DIP2C: variants seen among roughly 807,000 people sequenced by gnomAD.
The protein encoded by DIP2C is disco-interacting protein 2 homolog C.
DIP2C carries 33 observed loss-of-function variants against 192.4 expected under a neutral mutation model. That is an observed-to-expected ratio of 0.17 (90% confidence interval 0.13 to 0.23). The LOEUF (loss-of-function observed/expected upper bound fraction) is 0.23. DIP2C is among the 10% of genes least tolerant of loss of function. DIP2C has a pLI of 1.00. For missense variants in DIP2C, 1,537 were observed against 2,110.1 expected (o/e 0.73, Z 5.32); for synonymous variants, 979 against 864.1 (o/e 1.13, Z -2.33).
At chr10:559,510 T>A (rs982657482) in intron 1 of DIP2C, among the ~76,000 whole-genome samples, 4 of 152,098 alleles carry the variant, frequency 2.6e-5, no homozygotes, top group Non-Finnish European at 5.9e-5. Flanking sequence ...TTCCCTCATG[T>A]TAAAATCAAC....
rs750534312 is a variant in DIP2C at position 413,977 on chromosome 10, C to T, written c.993G>A (p.Ser331=). The T allele has an allele frequency of 4.1e-5, 66 of 1,614,084 alleles. No individual in the cohort carries two copies. The highest frequency in any genetic ancestry group is 6.7e-5 in the East Asian group (3 of 44,880). ...EAALQRWGTI[S]PKAPCLTTMD... ...TGGTGGTCAGGCAGGGCGCCTTGGG[C>T]GAGATGGTGCCCCACCTCTGCAGTG... The change falls in exon 8 of 37, where the codon TCG becomes TCA. Residue 331 remains serine (S), a synonymous_variant. Coordinates refer to ENST00000280886, the MANE Select transcript of DIP2C (RefSeq NM_014974.3).
chr10:310,794 A>G (rs138615381), intron 31 of DIP2C, among the ~76,000 whole-genome samples: 2 of 152,326 alleles, frequency 1.3e-5, no homozygotes, highest in East Asian at 1.9e-4. Context: ...TGACCTCTGT[A>G]CACAGAAGAG....
At chr10:549,659 G>T (rs1221663890) in intron 1 of DIP2C, among the ~76,000 whole-genome samples, 2 of 152,014 alleles carry the variant, frequency 1.3e-5, no homozygotes, top group Non-Finnish European at 2.9e-5. Flanking sequence ...CAGAGCGGAG[G>T]GCCCCCCCCG....
At chr10:418,003 TGTCAGG>T (rs1489889099) in intron 6 of DIP2C, among the ~76,000 whole-genome samples, 1 of 97,164 alleles carries the variant, frequency 1.0e-5, no homozygotes, top group Non-Finnish European at 2.1e-5. Context: ...CACCTGCACC[TGTCAGG>T]GCGCGGACAG....
chr10:527,944 A>G (rs1847154363), intron 1 of DIP2C, among the ~76,000 whole-genome samples: 1 of 152,098 alleles, frequency 6.6e-6, no homozygotes, highest in Admixed American at 6.5e-5. Flanking sequence ...GCTCCACGTA[A>G]TTATGTAGAT....
chr10:418,780 A>G (rs1251743280), intron 6 of DIP2C, among the ~76,000 whole-genome samples: 1 of 152,276 alleles, frequency 6.6e-6, no homozygotes, highest in Non-Finnish European at 1.5e-5. Context: ...ACCGTTATTC[A>G]GCAGCAAAAA....
intron 3 of DIP2C, among the ~76,000 whole-genome samples, chr10:470,733 G>T (rs1017930239): frequency 6.6e-6 from 1 of 151,946 alleles, no homozygotes; most frequent in Non-Finnish European, 1.5e-5. Context: ...CTCCTGTGTG[G>T]TAAGATGGCC....
At chr10:580,048 A>G (rs1264871998) in intron 1 of DIP2C, among the ~76,000 whole-genome samples, 2 of 152,136 alleles carry the variant, frequency 1.3e-5, no homozygotes, top group African/African-American at 4.8e-5. Flanking sequence ...CAGTGTACAC[A>G]GGTATACTAT....
intron 3 of DIP2C, among the ~76,000 whole-genome samples, chr10:459,648 G>A (rs575507320): frequency 1.3e-4 from 19 of 149,678 alleles, no homozygotes; most frequent in African/African-American, 4.4e-4. Context: ...CTGGGCTCTA[G>A]GGTCTTCCTC....
At position 414,739 on chromosome 10, in the gene DIP2C, G is replaced by GTGTGTGTGTATA; in HGVS notation, c.860-630_860-629insTATACACACACA. On this transcript the variant is annotated intron_variant, in intron 7 of 36. Transcript: ENST00000280886. ...TGTGTGTGTGTGTGTGTGTGTGTGT[G>GTGTGTGTGTATA]TACATATATATATATATAATGTGTA... is the stretch of plus-strand genomic sequence containing the variant. 2.5e-3 allele frequency among the ~76,000 whole-genome samples: 223 copies of GTGTGTGTGTATA among 90,526 alleles called. 8 individuals are homozygous for GTGTGTGTGTATA. The highest frequency in any genetic ancestry group is 4.5e-3 in the East Asian group (13 of 2,858). 59.4% of individuals were successfully genotyped at this position (90,526 alleles called of 152,430 possible).
chr10:336,927 A>G (rs1589521162), intron 29 of DIP2C, among the ~76,000 whole-genome samples: 2 of 27,158 alleles, frequency 7.4e-5, no homozygotes, highest in Non-Finnish European at 2.0e-4. Flanking sequence ...TGTGTTGTGG[A>G]GGCCTAGACT....
intron 3 of DIP2C, among the ~76,000 whole-genome samples, chr10:444,072 T>TCA (rs1967954703): frequency 6.6e-6 from 1 of 152,216 alleles, no homozygotes; most frequent in African/African-American, 2.4e-5. Context: ...TGAGGCGTGT[T>TCA]CACTGGTGCT....
intron 1 of DIP2C, among the ~76,000 whole-genome samples, chr10:610,740 G>A (rs567027361): frequency 1.3e-5 from 2 of 151,628 alleles, no homozygotes; most frequent in Non-Finnish European, 2.9e-5. Flanking sequence ...TGACTCATGG[G>A]GGTGGTTTCT....
chr10:624,990 A>C (rs1394028898), intron 1 of DIP2C, among the ~76,000 whole-genome samples: 1 of 152,268 alleles, frequency 6.6e-6, no homozygotes, highest in East Asian at 1.9e-4. Flanking sequence ...CGGCGGCGCA[A>C]CCTTGGCTGC....
chr10:573,127 C>G (rs1437719309), intron 1 of DIP2C, among the ~76,000 whole-genome samples: 1 of 152,126 alleles, frequency 6.6e-6, no homozygotes, highest in Non-Finnish European at 1.5e-5. Context: ...TTTGGGAGTT[C>G]CTGTGTCTGC....
At chr10:494,567 C>T (rs1844678669) in intron 1 of DIP2C, among the ~76,000 whole-genome samples, 1 of 152,172 alleles carries the variant, frequency 6.6e-6, no homozygotes, top group African/African-American at 2.4e-5. Flanking sequence ...GCTGCTCAAC[C>T]AGTCAATATG....
chr10:687,847 G>C (rs1564342713), intron 1 of DIP2C, among the ~76,000 whole-genome samples: 1 of 152,214 alleles, frequency 6.6e-6, no homozygotes, highest in East Asian at 1.9e-4. Context: ...GCAGTGGGTG[G>C]GGGAACCCTC....
intron 17 of DIP2C, among the ~76,000 whole-genome samples, chr10:380,229 G>A (rs529395257): frequency 3.3e-5 from 5 of 149,338 alleles, no homozygotes; most frequent in East Asian, 2.0e-4. Context: ...TGGTTAAGAC[G>A]AAGAAGAGGC....
chr10:478,903 G>C (rs1843380474), intron 2 of DIP2C, among the ~76,000 whole-genome samples: 1 of 152,142 alleles, frequency 6.6e-6, no homozygotes, highest in Non-Finnish European at 1.5e-5. Context: ...GAGGAAGAGA[G>C]GGGTAGGGAG....
Sources: gnomAD v4.1 joint callset for allele counts (sites outside exome capture counted in the v4.1 genomes callset) on GRCh38, gnomAD v4.1.1 for gene constraint, MANE v1.5 for transcripts, NCBI Gene and HGNC (gene_info 2026-07-23, HGNC 2026-07-21) for gene names.